The following CUX1 variants were observed in gnomAD, a reference collection of about 807,000 sequenced individuals.
CUX1 encodes the protein cut like homeobox 1.
Under a neutral mutation model 158.8 loss-of-function variants are expected in CUX1, and 31 were observed. The observed-to-expected ratio is 0.20, with a 90% CI of 0.15 to 0.26. CUX1 has a LOEUF of 0.26. Among genes scored for constraint, CUX1 ranks in the 10% least tolerant of loss-of-function variants. The pLI is 1.00. For missense variants in CUX1, 1,589 were observed against 2,014.6 expected, an observed-to-expected ratio of 0.79 and a Z score of 4.04; for synonymous variants, 879 against 862.1, an observed-to-expected ratio of 1.02 and a Z score of -0.34.
Position 101,825,792 on chromosome 7 carries a change from TGTGTGTGC to T in CUX1, c.30+8125_30+8132del, listed in dbSNP as rs766976816. Among the ~76,000 whole-genome samples, 982 of 110,564 alleles carry T rather than the reference TGTGTGTGC, an allele frequency of 8.9e-3. 6 individuals carry two copies. The highest frequency in any genetic ancestry group is 0.029 in the African/African-American group (654 of 22,288). 72.5% of individuals were successfully genotyped at this position (110,564 alleles called of 152,430 possible). A position where few individuals can be genotyped will look rare whatever the true frequency, so the allele number is the denominator to read the frequency against. On this transcript the variant is annotated intron_variant, in intron 1 of 23. Transcript: ENST00000292535. ...GTGTGTGTGTGTGTGTGTGTGTGTG[TGTGTGTGC>T]GCGCGCGCGCGCAGTTAGTCTTCGG...
intron 2 of CUX1, among the ~76,000 whole-genome samples, chr7:101,920,354 C>A (rs1469734724): frequency 6.6e-6 from 1 of 151,934 alleles, no homozygotes; most frequent in Non-Finnish European, 1.5e-5. Flanking sequence ...GAACTCCTGA[C>A]CTTGTGATCC....
intron 2 of CUX1, among the ~76,000 whole-genome samples, chr7:101,918,819 A>G (rs183741336): frequency 1.2e-3 from 184 of 152,178 alleles, no homozygotes; most frequent in Non-Finnish European, 2.2e-3. Flanking sequence ...GGACCACCCA[A>G]TCGCTCAGGT....
At position 102,195,594 on chromosome 7, in the gene CUX1, G is replaced by T; in HGVS notation, c.1213G>T (p.Asp405Tyr). The T allele has an allele frequency of 6.2e-7, 1 of 1,607,420 alleles. No individual in the cohort carries two copies. ...CGCCGCGCTGCGCATCTCCAACAGC[G>T]ACCTGAGCGGTAGGTTGGCCGGGCT... is the stretch of plus-strand genomic sequence containing the variant. ...ENAALRISNS[D>Y]LSGSARRKGK... Residue 405 changes from aspartate (D) to tyrosine (Y), a missense_variant, in exon 14 of 24, where the codon GAC (aspartate) becomes TAC (tyrosine). Physicochemically the swap from Asp to Tyr is radical, Grantham distance 160 (BLOSUM62 -3). Transcript: ENST00000292535.
At chr7:102,014,617 C>T (rs1818389410) in intron 2 of CUX1, among the ~76,000 whole-genome samples, 1 of 152,092 alleles carries the variant, frequency 6.6e-6, no homozygotes, top group South Asian at 2.1e-4. Context: ...GGAAGCCTTT[C>T]TTTGCTTGGA....
At chr7:101,965,643 C>T (rs1488604286) in intron 2 of CUX1, among the ~76,000 whole-genome samples, 2 of 151,784 alleles carry the variant, frequency 1.3e-5, no homozygotes, top group Non-Finnish European at 2.9e-5. Flanking sequence ...GTCAGGAGAT[C>T]GAGACCATCC....
intron 2 of CUX1, among the ~76,000 whole-genome samples, chr7:102,020,008 A>G (rs1350541972): frequency 6.6e-6 from 1 of 152,162 alleles, no homozygotes; most frequent in African/African-American, 2.4e-5. Flanking sequence ...CTATTCATTT[A>G]TTTCATTGCT....
chr7:101,818,885 C>A (rs531984506), intron 1 of CUX1: 1 of 152,140 alleles, frequency 6.6e-6, no homozygotes, highest in African/African-American at 2.4e-5. Flanking sequence ...TTTTTCCAGA[C>A]CTCTTTATAC....
intron 10 of CUX1, among the ~76,000 whole-genome samples, chr7:102,178,217 T>C (rs1438369611): frequency 6.6e-6 from 1 of 152,192 alleles, no homozygotes; most frequent in Non-Finnish European, 1.5e-5. Flanking sequence ...TTTCTTTGAT[T>C]CACTGCTATA....
intron 3 of CUX1, among the ~76,000 whole-genome samples, 167 bp downstream of exon 3, chr7:102,028,312 C>A (rs1563149681): frequency 6.6e-6 from 1 of 152,208 alleles, no homozygotes; most frequent in Non-Finnish European, 1.5e-5. Flanking sequence ...TGTGATTTTC[C>A]ATTGGGTCCT....
At chr7:101,857,319 A>G (rs551828455) in intron 1 of CUX1, among the ~76,000 whole-genome samples, 3 of 152,388 alleles carry the variant, frequency 2.0e-5, no homozygotes, top group African/African-American at 7.2e-5. Flanking sequence ...AGAAATAAAA[A>G]GAAATAACTA....
chr7:101,983,381 A>AC (rs1813727598), intron 2 of CUX1, among the ~76,000 whole-genome samples: 1 of 151,804 alleles, frequency 6.6e-6, no homozygotes, highest in Non-Finnish European at 1.5e-5. Flanking sequence ...CCATCCTCCC[A>AC]CCAGTGGTTC....
chr7:101,821,671 C>CTTTTT (rs58793343), intron 1 of CUX1, among the ~76,000 whole-genome samples: 25 of 51,320 alleles, frequency 4.9e-4, no homozygotes, highest in Admixed American at 1.4e-3. Context: ...TTTCTTTTTT[C>CTTTTT]TTTTTTTTTT....
chr7:102,232,654 G>GTGGCCCTCTAAACCAGCAGCGGAA (rs1563457000), intron 21 of CUX1, among the ~76,000 whole-genome samples: 1 of 152,168 alleles, frequency 6.6e-6, no homozygotes, highest in Admixed American at 6.5e-5. Context: ...TTTACAAGCG[G>GTGGCCCTCTAAACCAGCAGCGGAA]TGGCCCTCTA....
rs1835140297 is a variant in CUX1, at chr7:102,147,434, C to T, written c.675-11126C>T. On this transcript the variant is annotated intron_variant, in intron 8 of 23. Transcript: ENST00000292535. ...GTGAGCTGGGCCACCTGGTTCTGCA[C>T]TCCAGGACCTCACGGTCCATTGGAC... 2.0e-5 allele frequency among the ~76,000 whole-genome samples: 3 copies of T among 152,342 alleles called. 1 individual carries two copies. Among genetic ancestry groups the T allele is most frequent in the African/African-American group, 7.2e-5 (3 of 41,578 alleles).
Position 102,249,665 on chromosome 7 carries a change from C to A in CUX1, c.*623C>A, listed in dbSNP as rs564258693. On this transcript the variant is annotated 3_prime_UTR_variant, in exon 24 of 24. Coordinates refer to ENST00000292535, the MANE Select transcript of CUX1 (RefSeq NM_181552.4). Reference sequence around the variant, plus strand: ...ATAATACACTATTATCTTCTTAAACCAGGAAAAAATAAAAGGGGGGGTGGG... The same window carrying A: ...ATAATACACTATTATCTTCTTAAACAAGGAAAAAATAAAAGGGGGGGTGGG... The A allele has an allele frequency of 6.1e-6, 6 of 984,166 alleles. No individual in the cohort carries two copies. The highest frequency in any genetic ancestry group is 7.2e-6 in the Non-Finnish European group (6 of 829,584). The allele number at this position is 984,166 out of a possible 1,614,324, so 61.0% of individuals were successfully genotyped here.
intron 11 of CUX1, chr7:102,187,088 G>A (rs782435152): frequency 6.6e-6 from 1 of 151,968 alleles, no homozygotes; most frequent in Admixed American, 6.6e-5. Context: ...AGCGTTATGC[G>A]GTGCATGATT....
chr7:102,129,546 T>C lies in CUX1; in HGVS notation c.674+14273T>C, dbSNP rs531942837. Among the ~76,000 whole-genome samples, 6 of 152,130 alleles carry C rather than the reference T, an allele frequency of 3.9e-5. No individual in the cohort carries two copies. The East Asian group carries it at 9.7e-4, about 25-fold the overall frequency. On this transcript the variant is annotated intron_variant, in intron 8 of 23. Coordinates refer to ENST00000292535, the MANE Select transcript of CUX1 (RefSeq NM_181552.4). Reference sequence around the variant, plus strand: ...TAAAAATACAAAAATTAGCTGGGCGTGGTAGTGGGTGCCTGTAATCCCAGC... The same window carrying C: ...TAAAAATACAAAAATTAGCTGGGCGCGGTAGTGGGTGCCTGTAATCCCAGC...
At chr7:101,860,735 C>CCTT (rs1554397513) in intron 1 of CUX1, among the ~76,000 whole-genome samples, 5 of 90,442 alleles carry the variant, frequency 5.5e-5, no homozygotes, top group African/African-American at 1.7e-4. Context: ...TCCCCTTCCT[C>CCTT]CCTTCCTTCC....
At chr7:102,067,667 C>G (rs1173599013) in intron 3 of CUX1, among the ~76,000 whole-genome samples, 1 of 150,820 alleles carries the variant, frequency 6.6e-6, no homozygotes, top group African/African-American at 2.4e-5. Flanking sequence ...TGATATTTTT[C>G]TGATCACACA....
Sources: gnomAD v4.1 joint callset for allele counts (sites outside exome capture counted in the v4.1 genomes callset) on GRCh38, gnomAD v4.1.1 for gene constraint, MANE v1.5 for transcripts, NCBI Gene and HGNC (gene_info 2026-07-23, HGNC 2026-07-21) for gene names.